Variants in CNTLN observed in about 807,000 individuals in gnomAD.
The protein encoded by CNTLN is centlein, centrosomal protein.
In CNTLN, 212 loss-of-function variants were observed where a neutral mutation model predicts 180.0. That is an observed-to-expected ratio of 1.18 (90% confidence interval 1.05 to 1.32). The LOEUF is 1.32. Among genes scored for constraint, CNTLN ranks in the 40% most tolerant of loss-of-function variants. CNTLN has a pLI of 0.00. For missense variants in CNTLN, 2,095 were observed against 1,610.9 expected (o/e 1.30, Z -5.14); for synonymous variants, 722 against 563.1 (o/e 1.28, Z -3.99).
intron 6 of CNTLN, among the ~76,000 whole-genome samples, chr9:17,294,118 G>A (rs936311381): frequency 1.1e-4 from 17 of 152,140 alleles, no homozygotes; most frequent in African/African-American, 3.9e-4. Context: ...GGCTTCAGGA[G>A]TGAAGCTGCA....
At chr9:17,307,529 C>T (rs1417480648) in intron 7 of CNTLN, among the ~76,000 whole-genome samples, 1 of 152,114 alleles carries the variant, frequency 6.6e-6, no homozygotes, top group East Asian at 1.9e-4. Context: ...CTCGGCCTCC[C>T]AAAGTGCTGG....
At chr9:17,164,432 A>C (rs1474726724) in intron 2 of CNTLN, among the ~76,000 whole-genome samples, 1 of 148,276 alleles carries the variant, frequency 6.7e-6, no homozygotes, top group Non-Finnish European at 1.5e-5. Flanking sequence ...TTTAACATCA[A>C]ATCTATAGAA....
At chr9:17,265,993 C>T (rs932852895) in intron 5 of CNTLN, among the ~76,000 whole-genome samples, 9 of 152,086 alleles carry the variant, frequency 5.9e-5, no homozygotes, top group African/African-American at 2.2e-4. Context: ...AAACCAGCTC[C>T]TGGATTCATT....
At chr9:17,396,939 C>T (rs1193707446) in intron 15 of CNTLN, among the ~76,000 whole-genome samples, 1 of 152,128 alleles carries the variant, frequency 6.6e-6, no homozygotes, top group Non-Finnish European at 1.5e-5. Context: ...CTTTCCTTCT[C>T]TCAATAGCAA....
At chr9:17,386,399 G>A (rs549128722) in intron 13 of CNTLN, among the ~76,000 whole-genome samples, 38 of 152,206 alleles carry the variant, frequency 2.5e-4, no homozygotes, top group Middle Eastern at 3.4e-3. Flanking sequence ...TAAAAGTAAA[G>A]CATTTAAAAC....
intron 7 of CNTLN, among the ~76,000 whole-genome samples, chr9:17,303,584 G>A (rs911350822): frequency 6.6e-6 from 1 of 151,866 alleles, no homozygotes; most frequent in Non-Finnish European, 1.5e-5. Flanking sequence ...TAGTAGTTGT[G>A]TAGTGCAGGA....
At chr9:17,448,932 C>T (rs1002004305) in intron 18 of CNTLN, among the ~76,000 whole-genome samples, 1 of 152,048 alleles carries the variant, frequency 6.6e-6, no homozygotes, top group Non-Finnish European at 1.5e-5. Flanking sequence ...AGAGGAGTTC[C>T]GAAAGACATT....
At chr9:17,509,729 A>T in the CNTLN span, among the ~76,000 whole-genome samples, 1 of 152,108 alleles carries the variant, frequency 6.6e-6, no homozygotes, top group Non-Finnish European at 1.5e-5. Flanking sequence ...AGGGGGTGGA[A>T]TTGGGAGTGG....
At chr9:17,472,548 T>G (rs1035099262) in intron 23 of CNTLN, among the ~76,000 whole-genome samples, 2 of 152,118 alleles carry the variant, frequency 1.3e-5, no homozygotes, top group Non-Finnish European at 2.9e-5. Flanking sequence ...ATACCCCTGA[T>G]GTATGGTTCT....
At chr9:17,472,525 T>A (rs1322247448) in intron 23 of CNTLN, among the ~76,000 whole-genome samples, 1 of 152,128 alleles carries the variant, frequency 6.6e-6, no homozygotes, top group Non-Finnish European at 1.5e-5. Context: ...TTCCAATGAT[T>A]ATTCCCATCA....
intron 5 of CNTLN, among the ~76,000 whole-genome samples, chr9:17,254,460 G>GTT (rs543680682): frequency 7.0e-6 from 1 of 143,408 alleles, no homozygotes; most frequent in African/African-American, 2.5e-5. Flanking sequence ...CCATTTGGAG[G>GTT]TTTTTTTTTT....
At chr9:17,513,761 G>T in the CNTLN span, among the ~76,000 whole-genome samples, 1 of 151,650 alleles carries the variant, frequency 6.6e-6, no homozygotes, top group African/African-American at 2.4e-5. Flanking sequence ...TAGGAGGAAA[G>T]AATTCATAAA....
chr9:17,515,180 G>A, the CNTLN span, among the ~76,000 whole-genome samples: 1 of 152,032 alleles, frequency 6.6e-6, no homozygotes, highest in Non-Finnish European at 1.5e-5. Flanking sequence ...GGCCCTGCTG[G>A]TCACGCTTTC....
At chr9:17,148,397 TG>T (rs1818603211) in intron 2 of CNTLN, among the ~76,000 whole-genome samples, 1 of 152,252 alleles carries the variant, frequency 6.6e-6, no homozygotes, top group East Asian at 1.9e-4. Context: ...TTTTGTCAAC[TG>T]ATCAATACAT....
intron 1 of CNTLN, among the ~76,000 whole-genome samples, chr9:17,137,916 A>T (rs1817830712): frequency 6.6e-6 from 1 of 152,218 alleles, no homozygotes; most frequent in Non-Finnish European, 1.5e-5. Flanking sequence ...TTAAAAAAAT[A>T]TGGCCCCCTG....
chr9:17,349,336 C>G (rs1409393573), intron 12 of CNTLN, among the ~76,000 whole-genome samples: 1 of 152,118 alleles, frequency 6.6e-6, no homozygotes, highest in Non-Finnish European at 1.5e-5. Context: ...GTTTCATACT[C>G]AGTCTTAACT....
chr9:17,396,067 G>A (rs1564068288), intron 15 of CNTLN, among the ~76,000 whole-genome samples: 1 of 152,188 alleles, frequency 6.6e-6, no homozygotes, highest in Non-Finnish European at 1.5e-5. Flanking sequence ...ACTCGCACCA[G>A]CGCCATGACA....
In CNTLN at chr9:17,269,210, C is replaced by G. The variant is rs192254488; in HGVS notation, c.850-4523C>G. ...TGTATCAATTTTTAAATATCTCTTCCAAATCCAACTCTTATTTAAAATTTT... is the reference window on the plus strand; with the variant it reads ...TGTATCAATTTTTAAATATCTCTTCGAAATCCAACTCTTATTTAAAATTTT... On this transcript the variant is annotated intron_variant, in intron 5 of 25. Coordinates refer to ENST00000380647, the MANE Select transcript of CNTLN (RefSeq NM_017738.4). Among the ~76,000 whole-genome samples the G allele has an allele frequency of 4.2e-3, 641 of 152,236 alleles. 3 individuals are homozygous for G. Among genetic ancestry groups the G allele is most frequent in the Middle Eastern group, 0.01 (3 of 294 alleles).
At chr9:17,146,623 G>T (rs1220417433) in intron 2 of CNTLN, among the ~76,000 whole-genome samples, 2 of 152,138 alleles carry the variant, frequency 1.3e-5, no homozygotes, top group Admixed American at 1.3e-4. Context: ...CACTGAATCT[G>T]CTGGTGCCTT....
Sources: allele counts gnomAD v4.1 joint callset (sites outside exome capture counted in the v4.1 genomes callset), GRCh38; gene constraint gnomAD v4.1.1; transcripts MANE v1.5; gene names NCBI Gene and HGNC (gene_info 2026-07-23, HGNC 2026-07-21).